CPVL: variants seen among roughly 807,000 people sequenced by gnomAD.
The protein encoded by CPVL is probable serine carboxypeptidase CPVL.
In CPVL, 51 loss-of-function variants were observed where a neutral mutation model predicts 63.7. The ratio of observed to expected loss-of-function variants is 0.80; its 90% confidence interval spans 0.64 to 1.01. The LOEUF is 1.01. Ranked by LOEUF, CPVL falls within the 50% of genes least tolerant of loss-of-function variation. The probability of loss-of-function intolerance (pLI) is 0.00; values close to 1 mark genes in which losing one functional copy is unlikely to be tolerated. For missense variants in CPVL, 530 were observed against 573.1 expected (o/e 0.92, Z 0.77); for synonymous variants, 195 against 206.0 (o/e 0.95, Z 0.46).
intron 12 of CPVL, among the ~76,000 whole-genome samples, chr7:28,996,994 T>C (rs550825105): frequency 1.2e-4 from 18 of 152,292 alleles, no homozygotes; most frequent in African/African-American, 3.4e-4. Context: ...CAAGCCCTTG[T>C]TGGGTGATAT....
At chr7:29,131,147 G>A (rs1790654518) in intron 1 of CPVL, among the ~76,000 whole-genome samples, 1 of 151,766 alleles carries the variant, frequency 6.6e-6, no homozygotes, top group African/African-American at 2.4e-5. Flanking sequence ...CTCCAGCCTG[G>A]GCAACAGAGT....
At chr7:29,004,549 G>C (rs1331627456) in intron 12 of CPVL, among the ~76,000 whole-genome samples, 1 of 152,226 alleles carries the variant, frequency 6.6e-6, no homozygotes, top group Non-Finnish European at 1.5e-5. Flanking sequence ...TCTAAAAGCA[G>C]AGTACAGGAT....
At chr7:29,147,067 A>G, upstream of CPVL, 2 of 1,452,948 alleles carry the variant, frequency 1.4e-6, no homozygotes, top group Non-Finnish European at 1.8e-6. Context: ...CCATTTTGCA[A>G]TTGGGGGACA....
rs553928377 is a variant in CPVL, at chr7:29,105,434, T to G, written c.288+7270A>C. 2.8e-4 allele frequency among the ~76,000 whole-genome samples: 43 copies of G among 152,278 alleles called. 1 individual carries two copies. The South Asian group carries it at 8.9e-3, about 32-fold the overall frequency. ...ATGTTGATCTGTCAAGGGAGAAGAA[T>G]GAAGCACAGATGAGGGAATCCTGTG... On this transcript the variant is annotated intron_variant, in intron 3 of 12. Transcript: ENST00000265394.
intron 11 of CPVL, among the ~76,000 whole-genome samples, chr7:29,042,013 T>TTAG (rs1243169206): frequency 6.6e-6 from 1 of 152,180 alleles, no homozygotes; most frequent in Admixed American, 6.5e-5. Flanking sequence ...AGCACTGCTA[T>TTAG]ACCTTGGGTT....
intron 1 of CPVL, among the ~76,000 whole-genome samples, chr7:29,121,580 G>T (rs1789373297): frequency 6.6e-6 from 1 of 152,164 alleles, no homozygotes; most frequent in African/African-American, 2.4e-5. Context: ...CCACAGAAGG[G>T]CAGAGGATTG....
intron 2 of CPVL, among the ~76,000 whole-genome samples, chr7:29,117,830 A>G (rs1008998918): frequency 6.6e-6 from 1 of 152,196 alleles, no homozygotes; most frequent in Non-Finnish European, 1.5e-5. Flanking sequence ...AATTCCATAC[A>G]TATTTATACA....
chr7:29,120,420 TCAAACAAACAAA>T (rs66524129), intron 2 of CPVL, among the ~76,000 whole-genome samples: 1 of 150,706 alleles, frequency 6.6e-6, no homozygotes, highest in Non-Finnish European at 1.5e-5. Flanking sequence ...AGACTCTGTC[TCAAACAAACAAA>T]CAAACAAACA....
At chr7:29,177,888 A>C (rs1222004794) in intron 5 of CPVL, among the ~76,000 whole-genome samples, 1 of 152,084 alleles carries the variant, frequency 6.6e-6, no homozygotes, top group African/African-American at 2.4e-5. Context: ...TAGACATTTC[A>C]TAGGTGCCTC....
intron 11 of CPVL, among the ~76,000 whole-genome samples, chr7:29,046,070 C>T (rs1444809926): frequency 6.6e-6 from 1 of 151,018 alleles, no homozygotes; most frequent in East Asian, 1.9e-4. Flanking sequence ...TTTACCATTT[C>T]CTGACTAGAT....
intron 3 of CPVL, among the ~76,000 whole-genome samples, chr7:29,100,368 T>A (rs1440319797): frequency 1.3e-5 from 2 of 152,204 alleles, no homozygotes; most frequent in Non-Finnish European, 2.9e-5. Context: ...CATTGGTCTG[T>A]GGGGAGGAGG....
At chr7:29,066,247 C>A in intron 9 of CPVL, 126 bp from the exon 10 acceptor site, 1 of 610,822 alleles carries the variant, frequency 1.6e-6, no homozygotes, top group East Asian at 2.8e-5. Flanking sequence ...ATCCAGCGCC[C>A]ACTTATTGTG....
chr7:29,063,727 T>C (rs576086745), intron 11 of CPVL, among the ~76,000 whole-genome samples: 6 of 152,106 alleles, frequency 3.9e-5, no homozygotes, highest in Middle Eastern at 3.4e-3. Flanking sequence ...CCCGCCACCA[T>C]GTCCAGCTAG....
chr7:29,184,084 G>C (rs1798402336), intron 4 of CPVL, among the ~76,000 whole-genome samples: 1 of 151,770 alleles, frequency 6.6e-6, no homozygotes, highest in South Asian at 2.1e-4. Flanking sequence ...ATATCTGAGT[G>C]GGGGTTCTGG....
At chr7:29,136,499 A>G (rs999359648) in intron 1 of CPVL, among the ~76,000 whole-genome samples, 48 of 152,182 alleles carry the variant, frequency 3.2e-4, no homozygotes, top group African/African-American at 1.2e-3. Flanking sequence ...GTGAATTTTC[A>G]CCTTGTTGAA....
At chr7:29,000,500 A>G (rs1234132805) in intron 12 of CPVL, among the ~76,000 whole-genome samples, 1 of 152,114 alleles carries the variant, frequency 6.6e-6, no homozygotes, top group African/African-American at 2.4e-5. Flanking sequence ...CACCGCAGAC[A>G]AAGGAAATTC....
intron 11 of CPVL, among the ~76,000 whole-genome samples, chr7:29,045,494 C>T (rs1789523175): frequency 1.3e-5 from 2 of 152,198 alleles, no homozygotes; most frequent in Non-Finnish European, 2.9e-5. Flanking sequence ...AGAAGTCATG[C>T]TTCACTGGGA....
intron 8 of CPVL, 82 bp from the exon 9 acceptor site, chr7:29,071,986 T>G: frequency 6.5e-7 from 1 of 1,546,956 alleles, no homozygotes; most frequent in Non-Finnish European, 8.8e-7. Flanking sequence ...GGTGAAATAA[T>G]CCTTTGTAAT....
chr7:29,075,136 G>T (rs561710610), intron 7 of CPVL, among the ~76,000 whole-genome samples: 7 of 152,142 alleles, frequency 4.6e-5, no homozygotes, highest in African/African-American at 1.7e-4. Flanking sequence ...GACCCTTTCT[G>T]ACATGGAAGG....
Sources: gnomAD v4.1 joint callset for allele counts (sites outside exome capture counted in the v4.1 genomes callset) on GRCh38, gnomAD v4.1.1 for gene constraint, MANE v1.5 for transcripts, NCBI Gene and HGNC (gene_info 2026-07-23, HGNC 2026-07-21) for gene names.